The following ACER1 variants were observed in gnomAD, a reference collection of about 807,000 sequenced individuals.
The protein encoded by ACER1 is alkaline ceramidase 1.
ACER1 carries 28 observed loss-of-function variants against 24.9 expected under a neutral mutation model. The observed-to-expected ratio is 1.13, with a 90% CI of 0.83 to 1.54. ACER1 has a LOEUF of 1.54. Ranked by LOEUF, ACER1 falls within the 40% of genes most tolerant of loss-of-function variation. The probability of loss-of-function intolerance (pLI) is 0.00; values close to 1 mark genes in which losing one functional copy is unlikely to be tolerated. For synonymous variants in ACER1, 132 were observed against 131.4 expected, an observed-to-expected ratio of 1.00 and a Z score of -0.03; for missense variants, 352 against 349.3, an observed-to-expected ratio of 1.01 and a Z score of -0.06.
chr19:6,312,080 G>A (rs893426703), intron 3 of ACER1, 69 bp downstream of exon 3: 14 of 1,555,776 alleles, frequency 9.0e-6, no homozygotes, highest in Non-Finnish European at 1.2e-5. Flanking sequence ...AGGGGACTCA[G>A]GTGAGCTCAT....
At chr19:6,345,185 G>A in the ACER1 span, among the ~76,000 whole-genome samples, 6 of 151,876 alleles carry the variant, frequency 4.0e-5, no homozygotes, top group Admixed American at 2.0e-4. Context: ...GTGAGCCACC[G>A]TGCCCGGCCT....
chr19:6,311,015 G>T (rs2091577210), intron 3 of ACER1, among the ~76,000 whole-genome samples: 1 of 151,990 alleles, frequency 6.6e-6, no homozygotes, highest in Admixed American at 6.6e-5. Context: ...GACTCAGTAG[G>T]ATGAGAAGAG....
chr19:6,339,895 G>A, the ACER1 span, among the ~76,000 whole-genome samples: 1 of 151,770 alleles, frequency 6.6e-6, no homozygotes, highest in African/African-American at 2.4e-5. Flanking sequence ...TTGATCTCCT[G>A]ACCTCATGAT....
the ACER1 span, among the ~76,000 whole-genome samples, chr19:6,355,164 G>A: frequency 2.6e-5 from 4 of 152,180 alleles, no homozygotes; most frequent in South Asian, 4.1e-4. Context: ...GCGTGATCTC[G>A]GCTTGCTACA....
At chr19:6,350,312 A>G in the ACER1 span, among the ~76,000 whole-genome samples, 1 of 152,104 alleles carries the variant, frequency 6.6e-6, no homozygotes, top group Non-Finnish European at 1.5e-5. Context: ...CTAAAAATAT[A>G]AAAAATTAGC....
chr19:6,347,109 A>AAAT, the ACER1 span, among the ~76,000 whole-genome samples: 322 of 113,762 alleles, frequency 2.8e-3, 1 homozygote, highest in Non-Finnish European at 3.7e-3. Flanking sequence ...AAAAAAAAAA[A>AAAT]ATATATATAT....
chr19:6,311,273 A>G (rs1348477698), intron 3 of ACER1, among the ~76,000 whole-genome samples: 1 of 151,684 alleles, frequency 6.6e-6, no homozygotes, highest in Middle Eastern at 3.2e-3. Flanking sequence ...TTAGAAGAGA[A>G]TTTCACTTGC....
At chr19:6,337,331 C>T (rs2091718100), upstream of ACER1, among the ~76,000 whole-genome samples, 2 of 152,046 alleles carry the variant, frequency 1.3e-5, no homozygotes, top group South Asian at 2.1e-4. Flanking sequence ...CTTCATTAGG[C>T]AACAATATTC....
chr19:6,342,585 G>A, the ACER1 span, among the ~76,000 whole-genome samples: 50,282 of 150,950 alleles, frequency 0.33, 14,106 homozygotes, highest in African/African-American at 0.77. Flanking sequence ...CAGGCGTGGT[G>A]GCGGGCGCCT....
At chr19:6,319,786 A>G (rs2091621179) in intron 1 of ACER1, among the ~76,000 whole-genome samples, 1 of 151,988 alleles carries the variant, frequency 6.6e-6, no homozygotes, top group Non-Finnish European at 1.5e-5. Flanking sequence ...GTAGGCGCCT[A>G]ATACATTTTA....
intron 1 of ACER1, among the ~76,000 whole-genome samples, chr19:6,320,629 T>C (rs1600240043): frequency 6.6e-6 from 1 of 152,092 alleles, no homozygotes; most frequent in Non-Finnish European, 1.5e-5. Context: ...ACACAATTAA[T>C]TCCTAATCAC....
chr19:6,339,851 G>T, the ACER1 span, among the ~76,000 whole-genome samples: 1 of 151,882 alleles, frequency 6.6e-6, no homozygotes, highest in African/African-American at 2.4e-5. Context: ...ATTTTTAGTA[G>T]AGACGGGGTT....
At chr19:6,355,922 T>C in the ACER1 span, among the ~76,000 whole-genome samples, 1 of 151,350 alleles carries the variant, frequency 6.6e-6, no homozygotes, top group Non-Finnish European at 1.5e-5. Context: ...CCACCCCTAC[T>C]GGGAAGTGAG....
chr19:6,309,950 C>T, intron 3 of ACER1, 116 bp from the exon 4 acceptor site: 1 of 1,338,422 alleles, frequency 7.5e-7, no homozygotes, highest in Non-Finnish European at 1.0e-6. Flanking sequence ...TCTGGGGAGC[C>T]CAGATAGGCT....
the ACER1 span, among the ~76,000 whole-genome samples, chr19:6,343,289 G>A: frequency 6.6e-6 from 1 of 152,154 alleles, no homozygotes; most frequent in East Asian, 1.9e-4. Context: ...GAGTATGGAG[G>A]GTGAAGCTGT....
rs375937185 is a variant in ACER1, at chr19:6,309,691, A to T, written c.488+6T>A. On this transcript the variant is annotated splice_donor_region_variant and intron_variant, in intron 4 of 5. Coordinates refer to ENST00000301452, the MANE Select transcript of ACER1 (RefSeq NM_133492.3). ...TCCTGCCCAGGCACCTGCAGCCTTCACTCACTTCCTGTACTCCTGGCACAC... is the reference window on the plus strand; with the variant it reads ...TCCTGCCCAGGCACCTGCAGCCTTCTCTCACTTCCTGTACTCCTGGCACAC... 18 of 1,613,440 alleles carry T rather than the reference A, an allele frequency of 1.1e-5. No individual in the cohort carries two copies. Among genetic ancestry groups the T allele is most frequent in the Non-Finnish European group, 1.5e-5 (18 of 1,179,838 alleles).
the ACER1 span, among the ~76,000 whole-genome samples, chr19:6,359,479 G>A: frequency 7.9e-5 from 12 of 151,848 alleles, no homozygotes; most frequent in Non-Finnish European, 1.2e-4. Flanking sequence ...CCACCATGCC[G>A]AGATAATTTT....
In ACER1 at chr19:6,309,767, T is replaced by C. The variant is rs1210927289; in HGVS notation, c.418A>G (p.Thr140Ala). Residue 140 changes from threonine to alanine, a missense_variant, in exon 4 of 6, where the codon ACG becomes GCG. Physicochemically the swap from Thr to Ala is moderately conservative, Grantham distance 58. Transcript: ENST00000301452. ...CTGTTGAGGGCGTAGGCGTTGACCG[T>C]GGGCCGCAGGAAGGACAGAAGGGTG... ...VSTLLSFLRP[T>A]VNAYALNSIA... is the part of the protein sequence containing the mutation. 6.2e-7 allele frequency: 1 copy of C among 1,614,030 alleles called. No individual in the cohort carries two copies. The highest frequency in any genetic ancestry group is 1.1e-5 in the South Asian group (1 of 91,072).
chr19:6,334,519 T>C (rs1436673295), upstream of ACER1, among the ~76,000 whole-genome samples: 1 of 152,040 alleles, frequency 6.6e-6, no homozygotes, highest in Non-Finnish European at 1.5e-5. Context: ...TAATTTTTTT[T>C]GTATTTTAGT....
Sources: allele counts gnomAD v4.1 joint callset (sites outside exome capture counted in the v4.1 genomes callset), GRCh38; gene constraint gnomAD v4.1.1; transcripts MANE v1.5; gene names NCBI Gene and HGNC (gene_info 2026-07-23, HGNC 2026-07-21).